PDSS1: variants seen among roughly 807,000 people sequenced by gnomAD.
The protein encoded by PDSS1 is decaprenyl diphosphate synthase subunit 1, also known as all trans-polyprenyl-diphosphate synthase PDSS1.
In PDSS1, 43 loss-of-function variants were observed where a neutral mutation model predicts 57.5. That is an observed-to-expected ratio of 0.75 (90% CI 0.59 to 0.96). The LOEUF is 0.96. Ranked by LOEUF, PDSS1 falls within the 50% of genes least tolerant of loss-of-function variation. The pLI is 0.00. For synonymous variants in PDSS1, 175 were observed against 191.3 expected, an observed-to-expected ratio of 0.91 and a Z score of 0.70; for missense variants, 438 against 527.8, an observed-to-expected ratio of 0.83 and a Z score of 1.67.
intron 10 of PDSS1, among the ~76,000 whole-genome samples, chr10:26,737,910 A>G (rs1836460809): frequency 6.6e-6 from 1 of 152,170 alleles, no homozygotes; most frequent in South Asian, 2.1e-4. Flanking sequence ...TGAGTTGAAA[A>G]GGCACATTGC....
At chr10:26,716,588 A>G (rs538148270) in intron 5 of PDSS1, among the ~76,000 whole-genome samples, 4 of 152,228 alleles carry the variant, frequency 2.6e-5, no homozygotes, top group African/African-American at 9.6e-5. Context: ...GCTACCTGGG[A>G]GGCTCAGGCA....
At chr10:26,717,262 G>A (rs186087942) in intron 5 of PDSS1, among the ~76,000 whole-genome samples, 3 of 151,846 alleles carry the variant, frequency 2.0e-5, no homozygotes, top group Non-Finnish European at 2.9e-5. Context: ...ACAGAGTCTC[G>A]CTCTACCCCC....
chr10:26,699,313 T>C (rs1834971098), intron 1 of PDSS1, among the ~76,000 whole-genome samples: 1 of 152,050 alleles, frequency 6.6e-6, no homozygotes, highest in East Asian at 1.9e-4. Flanking sequence ...ACTTCAGATA[T>C]TTCTAGTTCC....
At chr10:26,739,658 G>A (rs1327714775) in intron 10 of PDSS1, among the ~76,000 whole-genome samples, 1 of 152,178 alleles carries the variant, frequency 6.6e-6, no homozygotes, top group African/African-American at 2.4e-5. Flanking sequence ...AATCACATCA[G>A]TGTCAACGAT....
At position 26,746,409 on chromosome 10, in the gene PDSS1, G is replaced by A. The variant is rs1307231625; in HGVS notation, c.1184G>A (p.Arg395Gln). ...HEAIREISKL[R>Q]PSPERDALIQ... ...GCAATAAGAGAGATCAGTAAACTTCGACCATCCCCAGAAAGAGATGCCCTC... is the reference window on the plus strand; with the variant it reads ...GCAATAAGAGAGATCAGTAAACTTCAACCATCCCCAGAAAGAGATGCCCTC... The change falls in exon 12 of 12, where the codon CGA becomes CAA. Residue 395 changes from arginine (R) to glutamine (Q), a missense_variant. Around this residue, in one of 2 missense-constraint regions of PDSS1, gnomAD observed 284 missense variants for 390.7 expected, o/e 0.73. Transcript: ENST00000376215. 11 of 1,613,874 alleles carry A rather than the reference G, an allele frequency of 6.8e-6. No individual in the cohort carries two copies. Among genetic ancestry groups the A allele is most frequent in the African/African-American group, 1.3e-5 (1 of 74,890 alleles).
chr10:26,728,263 A>G (rs3118152), intron 8 of PDSS1, among the ~76,000 whole-genome samples: 131,738 of 152,092 alleles, frequency 0.87, 57,081 homozygotes, highest in East Asian at 0.93. Context: ...AGGCCGAGGC[A>G]GGTAGATCAC....
intron 8 of PDSS1, among the ~76,000 whole-genome samples, chr10:26,731,901 C>T (rs897721081): frequency 1.1e-4 from 16 of 152,218 alleles, no homozygotes; most frequent in Non-Finnish European, 2.1e-4. Context: ...AAGCAATTCT[C>T]CTGCCTCAGC....
At chr10:26,730,517 G>A (rs1324522364) in intron 8 of PDSS1, among the ~76,000 whole-genome samples, 3 of 151,820 alleles carry the variant, frequency 2.0e-5, no homozygotes, top group Admixed American at 6.6e-5. Flanking sequence ...GCTGAGGTGG[G>A]AGGATCACCT....
At chr10:26,744,825 A>G (rs950182571) in intron 11 of PDSS1, among the ~76,000 whole-genome samples, 1 of 152,166 alleles carries the variant, frequency 6.6e-6, no homozygotes, top group Non-Finnish European at 1.5e-5. Flanking sequence ...TGGTATAGAA[A>G]ATCAGATGTA....
chr10:26,721,458 A>G (rs185985905), intron 6 of PDSS1, among the ~76,000 whole-genome samples: 15 of 151,842 alleles, frequency 9.9e-5, no homozygotes, highest in African/African-American at 3.2e-4. Context: ...ACATACATAT[A>G]TATATGTTTA....
At chr10:26,746,207 GACTGTTA>G in intron 11 of PDSS1, 119 bp from the exon 12 acceptor site, 1 of 978,094 alleles carries the variant, frequency 1.0e-6, no homozygotes, top group Non-Finnish European at 1.6e-6. Context: ...GATGTAGTTT[GACTGTTA>G]ACTGTAATCC....
At chr10:26,709,921 G>C (rs541163353) in intron 5 of PDSS1, among the ~76,000 whole-genome samples, 153 bp downstream of exon 5, 32 of 152,186 alleles carry the variant, frequency 2.1e-4, no homozygotes, top group African/African-American at 7.7e-4. Context: ...GGGAGCCTGA[G>C]GCGGGTGGAT....
rs1836912381 is a variant in PDSS1, at chr10:26,746,398, C to T, written c.1173C>T (p.Ile391=). The T allele has an allele frequency of 6.2e-7, 1 of 1,613,836 alleles. No individual in the cohort carries two copies. Among genetic ancestry groups the T allele is most frequent in the Admixed American group, 1.7e-5 (1 of 60,016 alleles). Residue 391 remains isoleucine, a synonymous_variant, in exon 12 of 12, where the codon ATC becomes ATT. Transcript: ENST00000376215. ...QQYCHEAIRE[I]SKLRPSPERD... is the part of the protein sequence containing the mutation. ...ACTGCCATGAAGCAATAAGAGAGAT[C>T]AGTAAACTTCGACCATCCCCAGAAA... is the stretch of plus-strand genomic sequence containing the variant.
intron 1 of PDSS1, among the ~76,000 whole-genome samples, chr10:26,699,329 A>T (rs7896301): frequency 0.34 from 51,642 of 151,646 alleles, 8,972 homozygotes; most frequent in East Asian, 0.47. Flanking sequence ...GTTCCACAGA[A>T]GAAGCCAGTA....
chr10:26,704,843 C>T (rs1835159115), intron 3 of PDSS1, 102 bp downstream of exon 3: 2 of 714,098 alleles, frequency 2.8e-6, no homozygotes, highest in Admixed American at 3.9e-5. Context: ...CACTGTGTTG[C>T]CCAGGCTGGT....
chr10:26,728,772 ATCT>A (rs1283131177), intron 8 of PDSS1, among the ~76,000 whole-genome samples: 4 of 79,168 alleles, frequency 5.1e-5, no homozygotes, highest in African/African-American at 1.9e-4. Context: ...TTTATTCTGT[ATCT>A]TTTTTTTTTT....
rs570270874 is a variant in PDSS1 at position 26,723,921 on chromosome 10, C to T, written c.721+4C>T. Reference sequence around the variant, plus strand: ...GTTATTGAAGATTTGGTGCGTGGTACGTTGATTCTGATTTTTCTTCTTTGT... The same window carrying T: ...GTTATTGAAGATTTGGTGCGTGGTATGTTGATTCTGATTTTTCTTCTTTGT... On this transcript the variant is annotated splice_donor_region_variant and intron_variant, in intron 7 of 11. Coordinates refer to ENST00000376215, the MANE Select transcript of PDSS1 (RefSeq NM_014317.5). 69 of 1,599,270 alleles carry T rather than the reference C, an allele frequency of 4.3e-5. No homozygotes were observed. The highest frequency in any genetic ancestry group is 5.3e-5 in the Non-Finnish European group (62 of 1,166,578).
chr10:26,746,640 A>G lies in PDSS1; in HGVS notation c.*167A>G, dbSNP rs1370172633. On this transcript the variant is annotated 3_prime_UTR_variant, in exon 12 of 12. Coordinates refer to ENST00000376215, the MANE Select transcript of PDSS1 (RefSeq NM_014317.5). The stretch of plus-strand genomic sequence containing the variant: ...TTTTTATTGCAAAAGTTTTTTCAGA[A>G]AACTTTTTAAATGTAATTAATAAAC... 1.5e-6 allele frequency: 1 copy of G among 669,108 alleles called. No homozygotes were observed. Among genetic ancestry groups the G allele is most frequent in the African/African-American group, 1.8e-5 (1 of 55,188 alleles). 41.4% of individuals were successfully genotyped at this position (669,108 alleles called of 1,614,324 possible).
intron 9 of PDSS1, 48 bp from the exon 10 acceptor site, chr10:26,735,418 A>C: frequency 7.2e-7 from 1 of 1,395,526 alleles, no homozygotes; most frequent in South Asian, 1.2e-5. Flanking sequence ...CGATGGCAGC[A>C]GTGTTGGCAT....
Sources: allele counts gnomAD v4.1 joint callset (sites outside exome capture counted in the v4.1 genomes callset), GRCh38; gene constraint gnomAD v4.1.1; regional missense constraint gnomAD v4.1.1; transcripts MANE v1.5; gene names NCBI Gene and HGNC (gene_info 2026-07-23, HGNC 2026-07-21).